DNAH17: variants seen among roughly 807,000 people sequenced by gnomAD.
DNAH17 encodes axonemal beta dynein heavy chain 17.
Under a neutral mutation model 485.6 loss-of-function variants are expected in DNAH17, and 376 were observed. The ratio of observed to expected loss-of-function variants is 0.77; its 90% CI spans 0.71 to 0.84. The LOEUF is 0.84. Among genes scored for constraint, DNAH17 ranks in the 40% least tolerant of loss-of-function variants. The pLI, the probability that DNAH17 is intolerant of heterozygous loss-of-function variation, is 0.00. For missense variants in DNAH17, 6,370 were observed against 5,839.3 expected (o/e 1.09, Z -2.96); for synonymous variants, 3,031 against 2,405.9 (o/e 1.26, Z -7.60).
intron 12 of DNAH17, 139 bp downstream of exon 12, chr17:78,561,576 G>C: frequency 9.8e-7 from 1 of 1,019,376 alleles, no homozygotes; most frequent in Non-Finnish European, 1.4e-6. Context: ...ACCAGAAGGG[G>C]TCTCTTCTGG....
Position 78,426,932 on chromosome 17 carries a change from C to G in DNAH17, c.12765G>C (p.Gly4255=). 1.9e-6 allele frequency: 3 copies of G among 1,603,626 alleles called. No individual in the cohort carries two copies. Among genetic ancestry groups the G allele is most frequent in the Non-Finnish European group, 2.6e-6 (3 of 1,175,092 alleles). The change falls in exon 78 of 81, where the codon GGG becomes GGC. Residue 4255 remains glycine (G), a synonymous_variant. Transcript: ENST00000389840. Reference sequence around the variant, plus strand: ...CGGGCTGACCCATGTTTACCTTCAGCCCCAGGTTCAGCTCCTTGAGCGAAC... The same window carrying G: ...CGGGCTGACCCATGTTTACCTTCAGGCCCAGGTTCAGCTCCTTGAGCGAAC... ...MRRSLKELNL[G]LKGELTITTD...
intron 7 of DNAH17, among the ~76,000 whole-genome samples, chr17:78,569,952 G>A (rs556255336): frequency 6.6e-6 from 1 of 152,312 alleles, no homozygotes; most frequent in African/African-American, 2.4e-5. Flanking sequence ...GGTTTGATGT[G>A]CGATTAGAGA....
chr17:78,475,495 A>T, intron 53 of DNAH17, 26 bp from the exon 54 acceptor site: 2 of 1,612,234 alleles, frequency 1.2e-6, no homozygotes, highest in Non-Finnish European at 1.7e-6. Flanking sequence ...AGATCCCACA[A>T]CATCTTGTAG....
chr17:78,494,998 G>C lies in DNAH17; in HGVS notation c.6003C>G (p.Ile2001Met). The change falls in exon 39 of 81, where the codon ATC (isoleucine) becomes ATG (methionine). Residue 2001 changes from isoleucine to methionine, a missense_variant. By Grantham distance (10) the Ile-to-Met change is conservative. Transcript: ENST00000389840. Reference sequence around the variant, plus strand: ...GCTCCTTGCACAAGGTGTACAGGGTGATGAACTTCCTGGCCAGAAGGCGGG... The same window carrying C: ...GCTCCTTGCACAAGGTGTACAGGGTCATGAACTTCCTGGCCAGAAGGCGGG... Reference protein sequence around the residue: ...LEARLLARKFITLYTLCKELL... With the variant: ...LEARLLARKFMTLYTLCKELL... 6.2e-7 allele frequency: 1 copy of C among 1,613,268 alleles called. No individual in the cohort carries two copies. The highest frequency in any genetic ancestry group is 8.5e-7 in the Non-Finnish European group (1 of 1,179,624).
At chr17:78,503,787 GA>G (rs2090388783) in intron 31 of DNAH17, among the ~76,000 whole-genome samples, 1 of 151,912 alleles carries the variant, frequency 6.6e-6, no homozygotes, top group Non-Finnish European at 1.5e-5. Context: ...CCAACATGGT[GA>G]AAACCCGTCT....
intron 69 of DNAH17, among the ~76,000 whole-genome samples, chr17:78,448,332 C>T (rs1249160673): frequency 1.3e-5 from 2 of 151,860 alleles, no homozygotes; most frequent in Non-Finnish European, 2.9e-5. Flanking sequence ...GACTTTGTCT[C>T]TACTAAAAAA....
chr17:78,490,639 G>T, intron 44 of DNAH17, 60 bp downstream of exon 44: 2 of 1,540,218 alleles, frequency 1.3e-6, no homozygotes, highest in East Asian at 2.4e-5. Context: ...TCTGAAACAG[G>T]CCAACAAGTT....
At chr17:78,508,243 A>C (rs1294290009) in intron 27 of DNAH17, among the ~76,000 whole-genome samples, 1 of 152,178 alleles carries the variant, frequency 6.6e-6, no homozygotes, top group African/African-American at 2.4e-5. Context: ...TGTTCCTGGG[A>C]AGCAGGAGAT....
chr17:78,505,927 G>A (rs8082066), intron 30 of DNAH17, among the ~76,000 whole-genome samples: 2 of 152,024 alleles, frequency 1.3e-5, no homozygotes, highest in African/African-American at 2.4e-5. Context: ...GTGGTGAGCC[G>A]AGATCGCGCC....
At chr17:78,502,211 G>A (rs1390026492) in intron 33 of DNAH17, 25 of 362,770 alleles carry the variant, frequency 6.9e-5, no homozygotes, top group Non-Finnish European at 5.0e-6. Context: ...GTAACAGGTT[G>A]CATAAGGGCC....
chr17:78,572,968 CG>C (rs1445499699), intron 2 of DNAH17, 74 bp from the exon 3 acceptor site: 46 of 1,398,570 alleles, frequency 3.3e-5, no homozygotes, highest in Admixed American at 1.5e-4. Context: ...GCCAGGTCCC[CG>C]GGGGGTTCCA....
chr17:78,558,728 G>C (rs1320899544), intron 13 of DNAH17, among the ~76,000 whole-genome samples: 5 of 152,126 alleles, frequency 3.3e-5, no homozygotes, highest in Non-Finnish European at 5.9e-5. Context: ...TAAGACTTCG[G>C]GTCTTCACTT....
chr17:78,510,608 C>T, intron 26 of DNAH17, 102 bp from the exon 27 acceptor site: 1 of 1,514,282 alleles, frequency 6.6e-7, no homozygotes, highest in Non-Finnish European at 9.0e-7. Context: ...GGGGCACGAT[C>T]CCGGGCTGCT....
chr17:78,523,926 CT>C (rs1156900461), intron 25 of DNAH17, among the ~76,000 whole-genome samples: 2 of 151,960 alleles, frequency 1.3e-5, no homozygotes, highest in Non-Finnish European at 2.9e-5. Flanking sequence ...AATAAAAATA[CT>C]TTTTAAAAAA....
intron 25 of DNAH17, chr17:78,522,332 C>T (rs1237038809): frequency 1.0e-5 from 3 of 286,222 alleles, no homozygotes; most frequent in Non-Finnish European, 7.0e-6. Context: ...CAGTATGAGC[C>T]AATAGTTTCT....
Position 78,425,462 on chromosome 17 carries a change from T to C in DNAH17, c.13025A>G (p.Lys4342Arg), listed in dbSNP as rs766002937. ...CATCTTGTCCAGGGGCCACTCGTTC[T>C]TCCTGGCCATGGACTGCATGATGGC... ...LTAIMQSMAR[K>R]NEWPLDKMCL... Residue 4342 changes from lysine to arginine, a missense_variant, in exon 80 of 81, where the codon AAG becomes AGG. Physicochemically the swap from Lys to Arg is conservative, Grantham distance 26. Coordinates refer to ENST00000389840, the MANE Select transcript of DNAH17 (RefSeq NM_173628.4). 5.0e-6 allele frequency: 8 copies of C among 1,613,918 alleles called. No individual in the cohort carries two copies. In the East Asian group the frequency reaches 1.6e-4, roughly 31 times the overall value.
At chr17:78,550,088 C>T (rs559972912) in intron 16 of DNAH17, among the ~76,000 whole-genome samples, 1 of 152,178 alleles carries the variant, frequency 6.6e-6, no homozygotes, top group Non-Finnish European at 1.5e-5. Flanking sequence ...GGGGAAATGG[C>T]CTGTGTGCCA....
intron 56 of DNAH17, among the ~76,000 whole-genome samples, chr17:78,464,204 T>C (rs963210374): frequency 1.6e-4 from 24 of 152,334 alleles, no homozygotes; most frequent in African/African-American, 5.5e-4. Flanking sequence ...CCAGGGTTTA[T>C]GGGTAATTTC....
Position 78,514,977 on chromosome 17 carries a change from T to C in DNAH17, c.3910A>G (p.Ile1304Val). ...TCTATGTCCATCTGCTCAACGTTGA[T>C]ATCTTTCCACTTGGTGGTCTTCCAG... ...EDWKTTKWKD[I>V]NVEQMDIDCK... Residue 1304 changes from isoleucine (I) to valine (V), a missense_variant, in exon 26 of 81, where the codon ATC becomes GTC. Coordinates refer to ENST00000389840, the MANE Select transcript of DNAH17 (RefSeq NM_173628.4). 1 of 1,613,952 alleles carries C rather than the reference T, an allele frequency of 6.2e-7. No individual in the cohort carries two copies. Among genetic ancestry groups the C allele is most frequent in the South Asian group, 1.1e-5 (1 of 91,082 alleles).
Sources: gnomAD v4.1 joint callset for allele counts (sites outside exome capture counted in the v4.1 genomes callset) on GRCh38, gnomAD v4.1.1 for gene constraint, MANE v1.5 for transcripts, NCBI Gene and HGNC (gene_info 2026-07-23, HGNC 2026-07-21) for gene names.